IFIH1: variants seen among roughly 807,000 people sequenced by gnomAD.
IFIH1 encodes interferon induced with helicase C domain 1, also known as interferon-induced helicase C domain-containing protein 1.
In IFIH1, 125 loss-of-function variants were observed where a neutral mutation model predicts 107.4. The ratio of observed to expected loss-of-function variants is 1.16; its 90% CI spans 1.01 to 1.35. The LOEUF (loss-of-function observed/expected upper bound fraction) is 1.35, where lower values mean the gene tolerates loss of function less well. Ranked by LOEUF, IFIH1 falls within the 40% of genes most tolerant of loss-of-function variation. IFIH1 has a pLI of 0.00. For missense variants in IFIH1, 1,333 were observed against 1,213.7 expected (o/e 1.10, Z -1.46); for synonymous variants, 458 against 413.2 (o/e 1.11, Z -1.31).
intron 12 of IFIH1, among the ~76,000 whole-genome samples, chr2:162,272,845 T>C (rs1691072170): frequency 6.6e-6 from 1 of 152,140 alleles, no homozygotes; most frequent in African/African-American, 2.4e-5. Flanking sequence ...CTTAGCACAT[T>C]TTCCCATGGG....
At chr2:162,273,281 TTTTA>T (rs1691080936) in intron 12 of IFIH1, among the ~76,000 whole-genome samples, 1 of 152,204 alleles carries the variant, frequency 6.6e-6, no homozygotes, top group African/African-American at 2.4e-5. Context: ...CATTTCACTC[TTTTA>T]TTTATTTTTA....
At chr2:162,298,008 T>G (rs1463402165) in intron 3 of IFIH1, among the ~76,000 whole-genome samples, 1 of 152,150 alleles carries the variant, frequency 6.6e-6, no homozygotes, top group East Asian at 1.9e-4. Flanking sequence ...TAAAATATTT[T>G]TAAATCATTT....
At chr2:162,274,692 C>G (rs1691117201) in intron 11 of IFIH1, among the ~76,000 whole-genome samples, 1 of 152,144 alleles carries the variant, frequency 6.6e-6, no homozygotes, top group Non-Finnish European at 1.5e-5. Flanking sequence ...AATATGACCT[C>G]TCATCCTTAC....
chr2:162,318,410 A>G lies in IFIH1; in HGVS notation c.-103T>C, dbSNP rs1683558512. 4.2e-6 allele frequency: 4 copies of G among 953,398 alleles called. No homozygotes were observed. The highest frequency in any genetic ancestry group is 2.0e-5 in the Admixed American group (1 of 51,000). 59.1% of individuals were successfully genotyped at this position (953,398 alleles called of 1,614,324 possible). On this transcript the variant is annotated 5_prime_UTR_variant, in exon 1 of 16. Transcript: ENST00000649979. Reference sequence around the variant, plus strand: ...CCGCTGTCCGCTGCCCACTTAGAGAAGCAGGGTCTACCGCTCTGTGCCTGA... The same window carrying G: ...CCGCTGTCCGCTGCCCACTTAGAGAGGCAGGGTCTACCGCTCTGTGCCTGA...
At chr2:162,273,053 T>C (rs1691076002) in intron 12 of IFIH1, among the ~76,000 whole-genome samples, 1 of 152,206 alleles carries the variant, frequency 6.6e-6, no homozygotes, top group South Asian at 2.1e-4. Context: ...AATAAAATTA[T>C]TTGCTAATTT....
At chr2:162,291,294 A>C (rs1682993680) in intron 4 of IFIH1, among the ~76,000 whole-genome samples, 1 of 151,854 alleles carries the variant, frequency 6.6e-6, no homozygotes, top group Non-Finnish European at 1.5e-5. Context: ...AAGGTCTGTC[A>C]CTGCATGTGT....
intron 5 of IFIH1, among the ~76,000 whole-genome samples, chr2:162,285,017 C>T (rs1682874377): frequency 6.6e-6 from 1 of 151,980 alleles, no homozygotes; most frequent in Admixed American, 6.6e-5. Context: ...GATACTCGCT[C>T]TGGGTGGTGT....
At chr2:162,317,112 T>C (rs559037977) in intron 1 of IFIH1, among the ~76,000 whole-genome samples, 4 of 151,586 alleles carry the variant, frequency 2.6e-5, no homozygotes, top group South Asian at 4.2e-4. Flanking sequence ...AGGGCAAAGA[T>C]TGGAAAACTT....
intron 3 of IFIH1, among the ~76,000 whole-genome samples, chr2:162,306,293 C>T (rs1348968345): frequency 4.6e-5 from 7 of 152,074 alleles, no homozygotes; most frequent in South Asian, 2.1e-4. Flanking sequence ...TTAATTTTTA[C>T]GACACAGTTG....
rs1392296770 is a variant in IFIH1, at chr2:162,267,222, CA to C, written c.3055del (p.Cys1019ValfsTer10). 1.8e-5 allele frequency: 29 copies of C among 1,593,974 alleles called. No individual in the cohort carries two copies. The highest frequency in any genetic ancestry group is 2.4e-5 in the Non-Finnish European group (28 of 1,174,324). On this transcript the variant is annotated frameshift_variant, in exon 16 of 16. Coordinates refer to ENST00000649979, the MANE Select transcript of IFIH1 (RefSeq NM_022168.4). LOFTEE classifies it high-confidence loss of function. ...TFPNLDYSEC[C>X]LFSDED ...GTGCTAATCCTCATCACTAAATAAA[CA>C]GCATTCTGAATAGTCAAGATTGGGA...
intron 3 of IFIH1, among the ~76,000 whole-genome samples, chr2:162,295,879 G>A (rs1683076851): frequency 1.3e-5 from 2 of 151,844 alleles, no homozygotes; most frequent in African/African-American, 4.8e-5. Flanking sequence ...AAAATGAGAT[G>A]GGGAAAATGT....
intron 4 of IFIH1, 118 bp downstream of exon 4, chr2:162,293,446 G>C: frequency 1.6e-6 from 1 of 613,854 alleles, no homozygotes; most frequent in East Asian, 2.8e-5. Context: ...TTTCACTGTA[G>C]AAAAGAATTG....
In IFIH1 at chr2:162,267,482, G is replaced by A. The variant is rs776028218; in HGVS notation, c.2895C>T (p.Gly965=). The A allele has an allele frequency of 3.7e-6, 6 of 1,613,208 alleles. No homozygotes were observed. Among genetic ancestry groups the A allele is most frequent in the Non-Finnish European group, 5.1e-6 (6 of 1,179,176 alleles). ...TGGCCCACAGCAATTTACTCACCTG[G>A]CCACATTTGCAGATGATTTCACCAT... ...QINGEIICKC[G]QAWGTMMVHK... is the part of the protein sequence containing the mutation. The change falls in exon 15 of 16, where the codon GGC becomes GGT. Residue 965 remains glycine (G), a synonymous_variant. Transcript: ENST00000649979.
intron 14 of IFIH1, 48 bp downstream of exon 14, chr2:162,268,039 G>A: frequency 7.4e-7 from 1 of 1,342,946 alleles, no homozygotes; most frequent in Non-Finnish European, 1.0e-6. Flanking sequence ...AATGCAACCT[G>A]CTTCACCCCT....
Position 162,314,407 on chromosome 2 carries a change from CTTTCTTTCT to C in IFIH1, c.453+3439_453+3447del, listed in dbSNP as rs1453682566. 3.3e-4 allele frequency among the ~76,000 whole-genome samples: 21 copies of C among 63,724 alleles called. 2 individuals are homozygous for C. The highest frequency in any genetic ancestry group is 1.5e-3 in the African/African-American group (17 of 10,982). The allele number at this position is 63,724 out of a possible 152,430, so 41.8% of individuals were successfully genotyped here. A position where few individuals can be genotyped will look rare whatever the true frequency, so the allele number is the denominator to read the frequency against. On this transcript the variant is annotated intron_variant, in intron 1 of 15. Transcript: ENST00000649979. Reference sequence around the variant, plus strand: ...CCCTCCCTCCCTCCCTCCTTTCTTTCTTTCTTTCTTTTCTTTCTTTCTTTCTTTCTTTCT... The same window carrying C: ...CCCTCCCTCCCTCCCTCCTTTCTTTCTTTCTTTCTTTCTTTCTTTCTTTCT...
intron 5 of IFIH1, 43 bp from the exon 6 acceptor site, chr2:162,282,619 C>T (rs374489397): frequency 3.9e-5 from 53 of 1,367,262 alleles, no homozygotes; most frequent in African/African-American, 2.7e-4. Context: ...GAAAGTTAGT[C>T]GAAGCCAAAA....
At chr2:162,314,366 C>T (rs1454629877) in intron 1 of IFIH1, among the ~76,000 whole-genome samples, 1 of 137,618 alleles carries the variant, frequency 7.3e-6, no homozygotes, top group East Asian at 2.1e-4. Flanking sequence ...TTTCTTCCTT[C>T]CTTCCCTCCC....
intron 1 of IFIH1, among the ~76,000 whole-genome samples, chr2:162,316,072 A>C (rs1438181626): frequency 6.6e-6 from 1 of 152,236 alleles, no homozygotes; most frequent in Non-Finnish European, 1.5e-5. Flanking sequence ...AGCTGCCTCC[A>C]AGCTTGCCAG....
chr2:162,282,367 T>G lies in IFIH1; in HGVS notation c.1305A>C (p.Ser435=). The change falls in exon 6 of 16, where the codon TCA becomes TCC. Residue 435 remains serine (S), a splice_region_variant and synonymous_variant. Transcript: ENST00000649979. ...ENGEDAGVQL[S]DFSLIIIDEC... ...AAAAAAATAAACACTTAAACTGACC[T>G]GACAATTGAACACCAGCATCTTCTC... is the stretch of plus-strand genomic sequence containing the variant. 2 of 1,601,530 alleles carry G rather than the reference T, an allele frequency of 1.2e-6. No individual in the cohort carries two copies. Among genetic ancestry groups the G allele is most frequent in the Non-Finnish European group, 8.5e-7 (1 of 1,170,916 alleles).
Sources: allele counts gnomAD v4.1 joint callset (sites outside exome capture counted in the v4.1 genomes callset), GRCh38; gene constraint gnomAD v4.1.1; transcripts MANE v1.5; gene names NCBI Gene and HGNC (gene_info 2026-07-23, HGNC 2026-07-21).